PLCB1: variants seen among roughly 807,000 people sequenced by gnomAD.
PLCB1 encodes phospholipase C beta 1.
A neutral mutation model predicts 161.8 loss-of-function variants in PLCB1; 46 were observed. That is an observed-to-expected ratio of 0.28 (90% confidence interval 0.22 to 0.36). The LOEUF (loss-of-function observed/expected upper bound fraction) is 0.36. Among genes scored for constraint, PLCB1 ranks in the 10% least tolerant of loss-of-function variants. The pLI, the probability that PLCB1 is intolerant of heterozygous loss-of-function variation, is 1.00. For missense variants in PLCB1, 1,016 were observed against 1,472.5 expected (o/e 0.69, Z 5.07); for synonymous variants, 517 against 503.7 (o/e 1.03, Z -0.35).
intron 1 of PLCB1, among the ~76,000 whole-genome samples, chr20:8,135,524 G>A (rs1364116911): frequency 6.6e-6 from 1 of 152,124 alleles, no homozygotes; most frequent in Non-Finnish European, 1.5e-5. Flanking sequence ...CAGACAGCAG[G>A]GGGGTAATAG....
At chr20:8,553,581 T>C (rs1047733308) in intron 3 of PLCB1, among the ~76,000 whole-genome samples, 2 of 152,184 alleles carry the variant, frequency 1.3e-5, no homozygotes, top group South Asian at 4.1e-4. Flanking sequence ...TATTTTTAAA[T>C]CTTTTATTCT....
intron 31 of PLCB1, among the ~76,000 whole-genome samples, chr20:8,832,633 A>G (rs996574245): frequency 1.3e-5 from 2 of 152,234 alleles, no homozygotes; most frequent in African/African-American, 4.8e-5. Context: ...GCCAGATTAT[A>G]GGAATCCCTA....
chr20:8,663,874 G>A (rs933335059), intron 9 of PLCB1, among the ~76,000 whole-genome samples: 3 of 151,940 alleles, frequency 2.0e-5, no homozygotes, highest in Non-Finnish European at 4.4e-5. Context: ...CATGAATATC[G>A]TACTTTCAAG....
chr20:8,884,792 A>T lies in PLCB1; in HGVS notation c.*2943A>T. 1 of 152,608 alleles carries T rather than the reference A, an allele frequency of 6.6e-6. No individual in the cohort carries two copies. Among genetic ancestry groups the T allele is most frequent in the East Asian group, 1.9e-4 (1 of 5,192 alleles). 9.5% of individuals were successfully genotyped at this position (152,608 alleles called of 1,614,324 possible). On this transcript the variant is annotated 3_prime_UTR_variant, in exon 32 of 32. Coordinates refer to ENST00000338037, the MANE Select transcript of PLCB1 (RefSeq NM_015192.4). The stretch of plus-strand genomic sequence containing the variant: ...AAATTATTTAAAATGCATAATTCAC[A>T]TTTTTGTAATAATTCTATGCAATTT...
intron 6 of PLCB1, among the ~76,000 whole-genome samples, chr20:8,648,847 G>T (rs1308065561): frequency 1.3e-5 from 2 of 151,722 alleles, no homozygotes; most frequent in Non-Finnish European, 2.9e-5. Flanking sequence ...AGGCTGAGGT[G>T]GGAGGATCAC....
At chr20:8,280,785 G>T (rs6140584) in intron 2 of PLCB1, among the ~76,000 whole-genome samples, 23,315 of 152,134 alleles carry the variant, frequency 0.15, 2,100 homozygotes, top group East Asian at 0.35. Context: ...GGATTTGTTT[G>T]TTTCTTTTTC....
intron 3 of PLCB1, among the ~76,000 whole-genome samples, chr20:8,394,353 C>A (rs1028010497): frequency 1.3e-5 from 2 of 152,128 alleles, no homozygotes; most frequent in African/African-American, 4.8e-5. Flanking sequence ...ACTTAGGGAG[C>A]AATAACTTTT....
At chr20:8,294,213 T>C (rs1169914781) in intron 2 of PLCB1, among the ~76,000 whole-genome samples, 1 of 152,140 alleles carries the variant, frequency 6.6e-6, no homozygotes, top group African/African-American at 2.4e-5. Flanking sequence ...AAAAATGATA[T>C]TCTCCTTCCT....
chr20:8,661,956 T>G (rs1989638822), intron 9 of PLCB1, among the ~76,000 whole-genome samples: 1 of 115,630 alleles, frequency 8.6e-6, no homozygotes, highest in Non-Finnish European at 1.7e-5. Context: ...TATATATAAT[T>G]ATATAATTAT....
At chr20:8,835,315 A>T (rs562515142) in intron 31 of PLCB1, among the ~76,000 whole-genome samples, 46 of 152,270 alleles carry the variant, frequency 3.0e-4, no homozygotes, top group Non-Finnish European at 4.3e-4. Flanking sequence ...AGCAGGCTTG[A>T]TAGACCATGG....
At chr20:8,821,674 A>G (rs556690404) in intron 31 of PLCB1, among the ~76,000 whole-genome samples, 16 of 151,648 alleles carry the variant, frequency 1.1e-4, no homozygotes, top group African/African-American at 3.6e-4. Context: ...CAAATTTTTT[A>G]TTATGTTAAA....
At chr20:8,183,817 T>C (rs2051872615) in intron 2 of PLCB1, among the ~76,000 whole-genome samples, 1 of 152,160 alleles carries the variant, frequency 6.6e-6, no homozygotes, top group South Asian at 2.1e-4. Context: ...TTTAAGCTTA[T>C]CAGCATTCAA....
At chr20:8,369,412 A>G (rs746420287) in intron 2 of PLCB1, among the ~76,000 whole-genome samples, 14 of 152,086 alleles carry the variant, frequency 9.2e-5, no homozygotes, top group Non-Finnish European at 1.9e-4. Context: ...CTTCCAGCAA[A>G]TATTTTGGTT....
At chr20:8,792,775 A>G (rs1983826640) in intron 31 of PLCB1, 3 of 379,864 alleles carry the variant, frequency 7.9e-6, no homozygotes, top group Non-Finnish European at 1.6e-5. Context: ...ATAAAATAAT[A>G]AATCATGACT....
At chr20:8,763,993 C>T (rs1022644947) in intron 25 of PLCB1, among the ~76,000 whole-genome samples, 19 of 151,938 alleles carry the variant, frequency 1.3e-4, no homozygotes, top group African/African-American at 3.6e-4. Context: ...GGCGAAACCC[C>T]GTCTCCATAA....
chr20:8,839,866 A>G (rs1198842322), intron 31 of PLCB1, among the ~76,000 whole-genome samples: 4 of 151,942 alleles, frequency 2.6e-5, no homozygotes, highest in African/African-American at 7.2e-5. Flanking sequence ...CCCGGTCTCT[A>G]CTAAAAATAC....
intron 12 of PLCB1, among the ~76,000 whole-genome samples, chr20:8,710,157 G>A (rs929954252): frequency 1.4e-5 from 2 of 144,182 alleles, no homozygotes; most frequent in Admixed American, 7.1e-5. Context: ...AAGCATGGTG[G>A]CATCTGCTCC....
At chr20:8,308,888 A>G (rs1984258206) in intron 2 of PLCB1, among the ~76,000 whole-genome samples, 1 of 152,074 alleles carries the variant, frequency 6.6e-6, no homozygotes. Context: ...AGTGTAGTTC[A>G]TTTTGAATCC....
chr20:8,145,631 G>C (rs1369901549), intron 1 of PLCB1, among the ~76,000 whole-genome samples: 1 of 152,206 alleles, frequency 6.6e-6, no homozygotes, highest in African/African-American at 2.4e-5. Context: ...TGCTGGAATT[G>C]TGTGACAAGA....
Sources: allele counts gnomAD v4.1 joint callset (sites outside exome capture counted in the v4.1 genomes callset), GRCh38; gene constraint gnomAD v4.1.1; transcripts MANE v1.5; gene names NCBI Gene and HGNC (gene_info 2026-07-23, HGNC 2026-07-21).